Variants in RAB38 observed in about 807,000 individuals in gnomAD.
RAB38 encodes the protein RAB38, member RAS oncogene family, also known as ras-related protein Rab-38.
In RAB38, 15 loss-of-function variants were observed where a neutral mutation model predicts 18.4. The ratio of observed to expected loss-of-function variants is 0.82; its 90% CI spans 0.55 to 1.26. The LOEUF (loss-of-function observed/expected upper bound fraction) is 1.26. Ranked by LOEUF, RAB38 falls within the 50% of genes most tolerant of loss-of-function variation. The pLI, the probability that RAB38 is intolerant of heterozygous loss-of-function variation, is 0.00. For missense variants in RAB38, 294 were observed against 267.4 expected (o/e 1.10, Z -0.69); for synonymous variants, 101 against 104.4 (o/e 0.97, Z 0.20).
rs1942505709 is a variant in RAB38 at position 88,113,701 on chromosome 11, A to C, written c.*287T>G. On this transcript the variant is annotated 3_prime_UTR_variant, in exon 3 of 3. Coordinates refer to ENST00000243662, the MANE Select transcript of RAB38 (RefSeq NM_022337.3). ...ACTTGAGGCCTTTGCTGATTAAAAG[A>C]AGCAAATAACAGTGCCGACTGTGGC... 3.2e-6 allele frequency: 1 copy of C among 312,794 alleles called. No individual in the cohort carries two copies. The highest frequency in any genetic ancestry group is 4.3e-5 in the Admixed American group (1 of 23,012). The allele number at this position is 312,794 out of a possible 1,614,324, so 19.4% of individuals were successfully genotyped here. A position where few individuals can be genotyped will look rare whatever the true frequency, so the allele number is the denominator to read the frequency against.
the RAB38 span, among the ~76,000 whole-genome samples, chr11:87,976,518 T>C: frequency 0.14 from 2 of 14 alleles, no homozygotes; most frequent in Admixed American, 0.33. Flanking sequence ...TATATTTATA[T>C]TTTATATATA....
chr11:88,019,617 A>G, the RAB38 span, among the ~76,000 whole-genome samples: 1 of 152,174 alleles, frequency 6.6e-6, no homozygotes, highest in South Asian at 2.1e-4. Flanking sequence ...GGAAAAATAC[A>G]GCCCCTATGT....
chr11:88,173,703 T>G, intron 1 of RAB38: 1 of 982,008 alleles, frequency 1.0e-6, no homozygotes, highest in Non-Finnish European at 1.2e-6. Context: ...AGCAAGAAAG[T>G]ACACAGAGAG....
Position 88,124,670 on chromosome 11 carries a change from C to T in RAB38, c.484-10530G>A, listed in dbSNP as rs185211352. Among the ~76,000 whole-genome samples the T allele has an allele frequency of 3.0e-3, 455 of 152,242 alleles. 2 individuals carry two copies. Among genetic ancestry groups the T allele is most frequent in the African/African-American group, 0.01 (416 of 41,548 alleles). ...CAGATAACAACTCATTCTTAGCCTG[C>T]GCAACCTCCCGGAGGCAGCACTTAG... On this transcript the variant is annotated intron_variant, in intron 2 of 2. Coordinates refer to ENST00000243662, the MANE Select transcript of RAB38 (RefSeq NM_022337.3).
chr11:88,019,084 A>AT, the RAB38 span, among the ~76,000 whole-genome samples: 3,178 of 151,746 alleles, frequency 0.021, 94 homozygotes, highest in African/African-American at 0.072. Context: ...TGCAATTCAT[A>AT]TTTTTTTTCC....
At chr11:87,974,557 G>A in the RAB38 span, among the ~76,000 whole-genome samples, 1 of 151,538 alleles carries the variant, frequency 6.6e-6, no homozygotes, top group Admixed American at 6.6e-5. Flanking sequence ...TAATTCAGGA[G>A]AAAAAAATTT....
chr11:88,052,949 A>ATATATAAAT, the RAB38 span, among the ~76,000 whole-genome samples: 3 of 113,812 alleles, frequency 2.6e-5, no homozygotes, highest in Admixed American at 3.5e-4. Context: ...TATATAAATT[A>ATATATAAAT]TATATATGAT....
chr11:88,142,606 A>G (rs1011371512), intron 2 of RAB38, among the ~76,000 whole-genome samples: 1 of 152,240 alleles, frequency 6.6e-6, no homozygotes, highest in Admixed American at 6.5e-5. Context: ...TTGGGGGCAG[A>G]GTATCAGAAT....
chr11:87,956,761 A>G, the RAB38 span, among the ~76,000 whole-genome samples: 1 of 152,134 alleles, frequency 6.6e-6, no homozygotes, highest in East Asian at 1.9e-4. Flanking sequence ...AACTGAAAGT[A>G]AGTCATAAGA....
At chr11:88,104,789 CCAAA>C in the RAB38 span, among the ~76,000 whole-genome samples, 8 of 152,180 alleles carry the variant, frequency 5.3e-5, no homozygotes, top group Non-Finnish European at 8.8e-5. Flanking sequence ...GTGGTTAGGG[CCAAA>C]CAAAGCATTT....
the RAB38 span, among the ~76,000 whole-genome samples, chr11:88,012,670 A>G: frequency 2.6e-5 from 4 of 152,178 alleles, no homozygotes; most frequent in East Asian, 7.7e-4. Context: ...ACAACCAACC[A>G]GGTAGGACAG....
At chr11:87,975,761 T>TA in the RAB38 span, among the ~76,000 whole-genome samples, 1 of 151,638 alleles carries the variant, frequency 6.6e-6, no homozygotes, top group East Asian at 1.9e-4. Flanking sequence ...GAGCAGCCAC[T>TA]AAAAATGTAG....
At chr11:88,014,743 C>T in the RAB38 span, among the ~76,000 whole-genome samples, 1 of 152,034 alleles carries the variant, frequency 6.6e-6, no homozygotes, top group South Asian at 2.1e-4. Context: ...TACTGATTGG[C>T]TTAAGAATGG....
chr11:87,972,886 T>A, the RAB38 span, among the ~76,000 whole-genome samples: 1 of 152,040 alleles, frequency 6.6e-6, no homozygotes, highest in East Asian at 1.9e-4. Flanking sequence ...GATTGGATCA[T>A]GGGGGCAGGT....
the RAB38 span, among the ~76,000 whole-genome samples, chr11:88,030,551 C>T: frequency 1.4e-4 from 21 of 152,200 alleles, no homozygotes; most frequent in South Asian, 2.5e-3. Context: ...GAGGATATAA[C>T]CACCGATTCC....
the RAB38 span, among the ~76,000 whole-genome samples, chr11:87,873,949 T>TATATATAC: frequency 3.8e-4 from 53 of 137,996 alleles, no homozygotes; most frequent in South Asian, 1.6e-3. Context: ...TATATATATA[T>TATATATAC]ACTCTGCATA....
chr11:87,898,373 TCTC>T, the RAB38 span, among the ~76,000 whole-genome samples: 3 of 151,754 alleles, frequency 2.0e-5, no homozygotes, highest in South Asian at 6.2e-4. Context: ...AAACCAATCA[TCTC>T]CTCAGAGCCA....
At chr11:87,804,214 T>C in the RAB38 span, among the ~76,000 whole-genome samples, 1 of 152,236 alleles carries the variant, frequency 6.6e-6, no homozygotes, top group South Asian at 2.1e-4. Context: ...GTTTCCCCTT[T>C]GTTTTTACTT....
At chr11:87,886,833 T>TTC in the RAB38 span, among the ~76,000 whole-genome samples, 2 of 151,330 alleles carry the variant, frequency 1.3e-5, no homozygotes, top group East Asian at 3.9e-4. Context: ...TGTTTTTTTT[T>TTC]TTTTTTTCTT....
Sources: allele counts gnomAD v4.1 joint callset (sites outside exome capture counted in the v4.1 genomes callset), GRCh38; gene constraint gnomAD v4.1.1; transcripts MANE v1.5; gene names NCBI Gene and HGNC (gene_info 2026-07-23, HGNC 2026-07-21).